The following SAMTOR variants were observed in gnomAD, a reference collection of about 807,000 sequenced individuals.
SAMTOR encodes S-adenosylmethionine sensor upstream of mTORC1, also known as UPF0532 protein C7orf60.
At chr7:112,856,005 T>C in the SAMTOR span, among the ~76,000 whole-genome samples, 1 of 152,124 alleles carries the variant, frequency 6.6e-6, no homozygotes, top group Non-Finnish European at 1.5e-5. Context: ...ATGGAAATAC[T>C]GAGACTTAAG....
chr7:112,899,789 GAAAA>G, the SAMTOR span, among the ~76,000 whole-genome samples: 1 of 113,386 alleles, frequency 8.8e-6, no homozygotes. Flanking sequence ...TGTGCTGAAG[GAAAA>G]AAAAAAAAAA....
chr7:112,819,838 G>A, the SAMTOR span: 11 of 152,588 alleles, frequency 7.2e-5, no homozygotes, highest in African/African-American at 2.2e-4. Context: ...TTCATTTGGT[G>A]TATTGTTTTC....
the SAMTOR span, chr7:112,832,425 A>C: frequency 3.2e-6 from 2 of 630,776 alleles, no homozygotes; most frequent in East Asian, 5.8e-5. Context: ...TATTCACAAA[A>C]TGTATTTAGT....
chr7:112,860,630 C>T, the SAMTOR span, among the ~76,000 whole-genome samples: 2 of 151,956 alleles, frequency 1.3e-5, no homozygotes, highest in Non-Finnish European at 1.5e-5. Context: ...TTGCCAGGCG[C>T]CGTGGCTCAC....
chr7:112,844,015 T>A, the SAMTOR span, among the ~76,000 whole-genome samples: 1 of 151,906 alleles, frequency 6.6e-6, no homozygotes, highest in Non-Finnish European at 1.5e-5. Flanking sequence ...TAAACAGAAC[T>A]AAAGACAAAA....
the SAMTOR span, among the ~76,000 whole-genome samples, chr7:112,826,164 C>T: frequency 1.3e-5 from 2 of 151,992 alleles, no homozygotes; most frequent in Non-Finnish European, 2.9e-5. Context: ...ATTTTGATAC[C>T]AGAGTAATGG....
the SAMTOR span, among the ~76,000 whole-genome samples, chr7:112,924,700 G>A: frequency 6.6e-6 from 1 of 151,988 alleles, no homozygotes; most frequent in Non-Finnish European, 1.5e-5. Flanking sequence ...AAAAAGCAGG[G>A]AAAAGTTTTC....
chr7:112,826,785 C>T, the SAMTOR span, among the ~76,000 whole-genome samples: 1 of 152,074 alleles, frequency 6.6e-6, no homozygotes, highest in Non-Finnish European at 1.5e-5. Context: ...TTAGTGACAT[C>T]TATGCATTTT....
At chr7:112,872,934 CGT>C in the SAMTOR span, among the ~76,000 whole-genome samples, 1 of 151,656 alleles carries the variant, frequency 6.6e-6, no homozygotes, top group Non-Finnish European at 1.5e-5. Context: ...TAGCTGTGTG[CGT>C]GTGTGCACGT....
the SAMTOR span, chr7:112,939,490 C>A: frequency 7.7e-6 from 12 of 1,566,086 alleles, no homozygotes; most frequent in African/African-American, 1.5e-4. Flanking sequence ...CGTGCAGATC[C>A]TTTACATTTT....
chr7:112,915,141 G>C, the SAMTOR span, among the ~76,000 whole-genome samples: 1 of 151,986 alleles, frequency 6.6e-6, no homozygotes, highest in Non-Finnish European at 1.5e-5. Context: ...GGGAGGCTGA[G>C]GCAGAAGAAC....
At chr7:112,865,423 A>C in the SAMTOR span, among the ~76,000 whole-genome samples, 1 of 151,990 alleles carries the variant, frequency 6.6e-6, no homozygotes, top group Non-Finnish European at 1.5e-5. Flanking sequence ...GATTACAGGC[A>C]CACGCCACCA....
chr7:112,896,638 G>A, the SAMTOR span, among the ~76,000 whole-genome samples: 1 of 152,080 alleles, frequency 6.6e-6, no homozygotes, highest in Admixed American at 6.6e-5. Flanking sequence ...ATGTGTAGAG[G>A]TGCATAATGA....
At chr7:112,914,276 G>GTTTTTTT in the SAMTOR span, among the ~76,000 whole-genome samples, 3 of 130,990 alleles carry the variant, frequency 2.3e-5, 1 homozygote, top group African/African-American at 5.8e-5. Flanking sequence ...TTAGCCTCTA[G>GTTTTTTT]TTTTTTTTTT....
chr7:112,837,367 C>A, the SAMTOR span, among the ~76,000 whole-genome samples: 1 of 152,028 alleles, frequency 6.6e-6, no homozygotes, highest in Non-Finnish European at 1.5e-5. Context: ...GATATAGAAT[C>A]ATGTCATCTG....
At chr7:112,856,320 G>A in the SAMTOR span, among the ~76,000 whole-genome samples, 1 of 151,540 alleles carries the variant, frequency 6.6e-6, no homozygotes, top group Non-Finnish European at 1.5e-5. Context: ...CGTGATTTTG[G>A]CTCATTGCAA....
chr7:112,938,024 A>T, the SAMTOR span, among the ~76,000 whole-genome samples: 4 of 152,096 alleles, frequency 2.6e-5, no homozygotes, highest in Non-Finnish European at 4.4e-5. Context: ...TATGCTAGTC[A>T]TTTTTCTCTT....
chr7:112,866,154 T>C, the SAMTOR span, among the ~76,000 whole-genome samples: 6 of 152,170 alleles, frequency 3.9e-5, no homozygotes, highest in Non-Finnish European at 7.4e-5. Flanking sequence ...TTTAGGTAAT[T>C]GCTATATAAA....
chr7:112,825,061 A>G, the SAMTOR span, among the ~76,000 whole-genome samples: 1 of 152,126 alleles, frequency 6.6e-6, no homozygotes, highest in East Asian at 1.9e-4. Context: ...TCACTCTGTC[A>G]CCTAGGCTGG....
Sources: gnomAD v4.1 joint callset for allele counts (sites outside exome capture counted in the v4.1 genomes callset) on GRCh38, gnomAD v4.1.1 for gene constraint, MANE v1.5 for transcripts, NCBI Gene and HGNC (gene_info 2026-07-23, HGNC 2026-07-21) for gene names.